SHOC1: variants seen among roughly 807,000 people sequenced by gnomAD.
SHOC1 encodes the protein protein shortage in chiasmata 1 ortholog.
In SHOC1, 136 loss-of-function variants were observed where a neutral mutation model predicts 179.2. The observed-to-expected ratio is 0.76, with a 90% CI of 0.66 to 0.87. The LOEUF (loss-of-function observed/expected upper bound fraction) is 0.87, where lower values mean the gene tolerates loss of function less well. Among genes scored for constraint, SHOC1 ranks in the 40% least tolerant of loss-of-function variants. The pLI is 0.00. For synonymous variants in SHOC1, 489 were observed against 586.6 expected, an observed-to-expected ratio of 0.83 and a Z score of 2.41; for missense variants, 1,538 against 1,700.8, an observed-to-expected ratio of 0.90 and a Z score of 1.68.
At chr9:111,772,483 A>G (rs1198848167) in intron 5 of SHOC1, among the ~76,000 whole-genome samples, 1 of 152,116 alleles carries the variant, frequency 6.6e-6, no homozygotes, top group Non-Finnish European at 1.5e-5. Context: ...TCTTGTGGGT[A>G]TATGTCTATG....
intron 9 of SHOC1, among the ~76,000 whole-genome samples, chr9:111,747,375 T>C (rs777486550): frequency 6.6e-6 from 1 of 152,070 alleles, no homozygotes; most frequent in South Asian, 2.1e-4. Context: ...AATGATGACA[T>C]AGAGAACGAT....
At chr9:111,782,367 G>T (rs1836097803) in intron 3 of SHOC1, among the ~76,000 whole-genome samples, 1 of 152,058 alleles carries the variant, frequency 6.6e-6, no homozygotes, top group South Asian at 2.1e-4. Context: ...GTACAAACTA[G>T]GAAGAATAGC....
chr9:111,691,623 C>G lies in SHOC1; in HGVS notation c.4354G>C (p.Ala1452Pro). The change falls in exon 27 of 28, where the codon GCT (alanine) becomes CCT (proline). Residue 1452 changes from alanine (A) to proline (P), a missense_variant. Physicochemically the swap from Ala to Pro is conservative, Grantham distance 27. Transcript: ENST00000682961. ...EFNSLYFYQR[A>P]GKSLGQKRHH... ...CTTTTCTGTCCTAAACTTTTTCCAG[C>G]TCTTTGGTAGAAATAAAGGCTGTTG... The G allele has an allele frequency of 6.2e-7, 1 of 1,613,880 alleles. No individual in the cohort carries two copies.
chr9:111,751,776 C>T lies in SHOC1; in HGVS notation c.863-3577G>A, dbSNP rs543183177. On this transcript the variant is annotated intron_variant, in intron 8 of 27. Transcript: ENST00000682961. ...GCAGGAAACACATATATTAGTTCTC[C>T]CCTCTAAATCCTATAGAATGACAGT... Among the ~76,000 whole-genome samples the T allele has an allele frequency of 1.1e-3, 166 of 152,164 alleles. 1 individual carries two copies. Among genetic ancestry groups the T allele is most frequent in the Middle Eastern group, 0.01 (3 of 290 alleles).
chr9:111,787,570 T>G (rs948518740), intron 2 of SHOC1, among the ~76,000 whole-genome samples: 1 of 152,184 alleles, frequency 6.6e-6, no homozygotes, highest in Non-Finnish European at 1.5e-5. Flanking sequence ...TGATAAAACT[T>G]GAACAGATGA....
Position 111,758,850 on chromosome 9 carries a change from T to A in SHOC1, c.443-2A>T. ...TTCCTTTATCATCAATAAATAAATC[T>A]GAAAAGAAATAAGAAATATAAAGGA... On this transcript the variant is annotated splice_acceptor_variant, in intron 5 of 27. Coordinates refer to ENST00000682961, the MANE Select transcript of SHOC1 (RefSeq NM_001378211.1). LOFTEE classifies it high-confidence loss of function. The A allele has an allele frequency of 7.0e-7, 1 of 1,433,844 alleles. No individual in the cohort carries two copies. The highest frequency in any genetic ancestry group is 9.5e-7 in the Non-Finnish European group (1 of 1,054,920). The allele number at this position is 1,433,844 out of a possible 1,614,324, so 88.8% of individuals were successfully genotyped here. A position where few individuals can be genotyped will look rare whatever the true frequency, so the allele number is the denominator to read the frequency against.
rs1831154402 is a variant in SHOC1, at chr9:111,686,229, A to G, written c.*541T>C. 6.6e-6 allele frequency: 1 copy of G among 152,194 alleles called. No individual in the cohort carries two copies. The highest frequency in any genetic ancestry group is 1.5e-5 in the Non-Finnish European group (1 of 68,036). 9.4% of individuals were successfully genotyped at this position (152,194 alleles called of 1,614,324 possible). ...TTTTTCTGAGGAAATATCTGTTCAT[A>G]TATTTTGCCCGTTCTTCTATCAGGT... On this transcript the variant is annotated 3_prime_UTR_variant, in exon 28 of 28. Transcript: ENST00000682961.
chr9:111,735,331 G>A (rs927765672), intron 12 of SHOC1, among the ~76,000 whole-genome samples: 10 of 151,880 alleles, frequency 6.6e-5, no homozygotes, highest in Non-Finnish European at 5.9e-5. Flanking sequence ...CTATCCCTCC[G>A]TTAGCCCCCA....
chr9:111,777,459 C>T (rs573546525), intron 4 of SHOC1, among the ~76,000 whole-genome samples: 1 of 152,296 alleles, frequency 6.6e-6, no homozygotes, highest in East Asian at 1.9e-4. Flanking sequence ...ACAAGGACAG[C>T]TTAAAGGTTC....
At chr9:111,736,499 G>C (rs1310397481) in intron 12 of SHOC1, among the ~76,000 whole-genome samples, 3 of 152,148 alleles carry the variant, frequency 2.0e-5, no homozygotes, top group Non-Finnish European at 4.4e-5. Flanking sequence ...TTCTGGGATA[G>C]CTGGCTAGCC....
chr9:111,722,797 A>T (rs1833125497), intron 14 of SHOC1, among the ~76,000 whole-genome samples: 1 of 152,058 alleles, frequency 6.6e-6, no homozygotes, highest in Admixed American at 6.6e-5. Flanking sequence ...TTTTATGGCT[A>T]TATTATTTAT....
At chr9:111,694,477 T>C (rs1246765546) in intron 24 of SHOC1, 115 bp from the exon 25 acceptor site, 1 of 698,560 alleles carries the variant, frequency 1.4e-6, no homozygotes, top group Non-Finnish European at 2.3e-6. Context: ...TCTATCTAAT[T>C]TTAGATAGAA....
chr9:111,706,822 T>A (rs1215059060), intron 19 of SHOC1, 76 bp from the exon 20 acceptor site: 3 of 1,038,050 alleles, frequency 2.9e-6, no homozygotes, highest in Admixed American at 5.6e-5. Context: ...AAGATGACTG[T>A]TTTCTGGCTG....
intron 18 of SHOC1, 124 bp downstream of exon 18, chr9:111,712,976 G>A (rs949641038): frequency 7.8e-6 from 5 of 644,498 alleles, no homozygotes; most frequent in African/African-American, 3.7e-5. Flanking sequence ...TGAGTTATAC[G>A]CTTTCTAAGG....
At chr9:111,719,299 C>T (rs1832932312) in intron 15 of SHOC1, among the ~76,000 whole-genome samples, 1 of 152,122 alleles carries the variant, frequency 6.6e-6, no homozygotes, top group South Asian at 2.1e-4. Flanking sequence ...AGTTTTATCT[C>T]AACTCTGGGG....
intron 15 of SHOC1, among the ~76,000 whole-genome samples, chr9:111,721,153 A>G (rs1174465242): frequency 6.6e-6 from 1 of 152,164 alleles, no homozygotes; most frequent in African/African-American, 2.4e-5. Context: ...ATCCCCCACT[A>G]CTGAGGCAAG....
intron 5 of SHOC1, among the ~76,000 whole-genome samples, chr9:111,770,763 C>A (rs1835571263): frequency 6.6e-6 from 1 of 151,994 alleles, no homozygotes; most frequent in Non-Finnish European, 1.5e-5. Flanking sequence ...GCTTAATTGA[C>A]CCCTTTCATG....
intron 11 of SHOC1, among the ~76,000 whole-genome samples, chr9:111,739,899 CCAGA>C (rs149242113): frequency 0.55 from 83,647 of 151,382 alleles, 23,762 homozygotes; most frequent in East Asian, 0.87. Flanking sequence ...GTACATTCTT[CCAGA>C]AAAAAAATTT....
chr9:111,762,845 C>A (rs7028468), intron 5 of SHOC1, among the ~76,000 whole-genome samples: 122,047 of 151,836 alleles, frequency 0.8, 49,204 homozygotes, highest in East Asian at 0.92. Context: ...AAAGTTCTAG[C>A]GGTTTTAGTC....
Sources: gnomAD v4.1 joint callset for allele counts (sites outside exome capture counted in the v4.1 genomes callset) on GRCh38, gnomAD v4.1.1 for gene constraint, MANE v1.5 for transcripts, NCBI Gene and HGNC (gene_info 2026-07-23, HGNC 2026-07-21) for gene names.